Variants in RRM2 observed in about 807,000 individuals in gnomAD.
RRM2 encodes the protein ribonucleoside-diphosphate reductase subunit M2.
RRM2 carries 6 observed loss-of-function variants against 45.9 expected under a neutral mutation model. The ratio of observed to expected loss-of-function variants is 0.13; its 90% CI spans 0.07 to 0.26. The LOEUF (loss-of-function observed/expected upper bound fraction) is 0.26. Among genes scored for constraint, RRM2 ranks in the 10% least tolerant of loss-of-function variants. The pLI is 1.00. For synonymous variants in RRM2, 177 were observed against 173.0 expected, an observed-to-expected ratio of 1.02 and a Z score of -0.18; for missense variants, 343 against 489.5, an observed-to-expected ratio of 0.70 and a Z score of 2.82.
chr2:10,124,845 A>C lies in RRM2; in HGVS notation c.564A>C (p.Lys188Asn). The C allele has an allele frequency of 6.3e-7, 1 of 1,597,154 alleles. No homozygotes were observed. Among genetic ancestry groups the C allele is most frequent in the Non-Finnish European group, 8.6e-7 (1 of 1,167,622 alleles). ...TTGACACTTACATAAAAGATCCCAA[A>C]GAAAGGTGAGTATTCAAGTGGTATG... Reference protein sequence around the residue: ...LLIDTYIKDPKEREFLFNAIE... With the variant: ...LLIDTYIKDPNEREFLFNAIE... The change falls in exon 5 of 10, where the codon AAA becomes AAC. Residue 188 changes from lysine to asparagine, a missense_variant. Lys to Asn is a moderately conservative substitution (Grantham distance 94). Coordinates refer to ENST00000304567, the MANE Select transcript of RRM2 (RefSeq NM_001034.4).
intron 3 of RRM2, among the ~76,000 whole-genome samples, chr2:10,198,405 A>AC (rs1414928049): frequency 1.5e-5 from 2 of 136,060 alleles, no homozygotes; most frequent in African/African-American, 5.4e-5. Flanking sequence ...TCTTTGGCCC[A>AC]TTTTTTTTTT....
At chr2:10,143,897 A>G (rs1055341205) in intron 3 of RRM2, among the ~76,000 whole-genome samples, 1 of 152,052 alleles carries the variant, frequency 6.6e-6, no homozygotes. Flanking sequence ...CGATCCCTTG[A>G]TCTTGTGATC....
chr2:10,154,256 T>G (rs995363912), intron 3 of RRM2, among the ~76,000 whole-genome samples: 2 of 152,048 alleles, frequency 1.3e-5, no homozygotes, highest in African/African-American at 4.8e-5. Flanking sequence ...GGCAGATCGC[T>G]TGAGGTCAGG....
exon 1 of RRM2, chr2:10,141,546 A>G (rs566776769): frequency 1.3e-5 from 5 of 394,746 alleles, no homozygotes; most frequent in African/African-American, 1.0e-4. Flanking sequence ...GACAGTGGCT[A>G]TTAACTGTGG....
chr2:10,157,222 G>A (rs1558391149), intron 3 of RRM2, among the ~76,000 whole-genome samples: 2 of 152,002 alleles, frequency 1.3e-5, no homozygotes, highest in Non-Finnish European at 2.9e-5. Flanking sequence ...TAGAGACGGG[G>A]TTTCACCATG....
intron 3 of RRM2, among the ~76,000 whole-genome samples, chr2:10,174,622 C>A (rs1663875225): frequency 6.6e-6 from 1 of 150,994 alleles, no homozygotes; most frequent in Non-Finnish European, 1.5e-5. Context: ...CCTATAATCC[C>A]AGCACTTTGG....
At position 10,129,281 on chromosome 2, in the gene RRM2, G is replaced by A. The variant is rs1397047713; in HGVS notation, c.1065G>A (p.Leu355=). 1 of 1,614,100 alleles carries A rather than the reference G, an allele frequency of 6.2e-7. No individual in the cohort carries two copies. The highest frequency in any genetic ancestry group is 8.5e-7 in the Non-Finnish European group (1 of 1,179,980). ...TTGACTTTATGGAGAATATTTCACT[G>A]GAAGGAAAGACTAACTTCTTTGAGA... ...NPFDFMENIS[L]EGKTNFFEKR... Residue 355 remains leucine (L), a synonymous_variant, in exon 10 of 10, where the codon CTG becomes CTA. Transcript: ENST00000304567. The surrounding 1 kb of genome is among the most constrained non-coding windows in gnomAD (Gnocchi z 4.8).
At chr2:10,178,920 G>A (rs891012972) in intron 3 of RRM2, among the ~76,000 whole-genome samples, 2 of 152,154 alleles carry the variant, frequency 1.3e-5, no homozygotes, top group Non-Finnish European at 2.9e-5. Context: ...TGCCGTCTAT[G>A]AATCAGAGAG....
upstream of RRM2, among the ~76,000 whole-genome samples, chr2:10,137,220 GT>G (rs144207545): frequency 0.017 from 2,608 of 152,318 alleles, 42 homozygotes; most frequent in Non-Finnish European, 0.028. Context: ...CAGAGGACTG[GT>G]CTGCACAAAG....
chr2:10,210,653 A>C (rs1664745620), exon 4 of RRM2: 1 of 1,330,446 alleles, frequency 7.5e-7, no homozygotes, highest in African/African-American at 1.5e-5. Flanking sequence ...GGAGTGGGGG[A>C]AATGGAACCC....
Position 10,129,404 on chromosome 2 carries a change from C to T in RRM2, c.*18C>T. The T allele has an allele frequency of 6.3e-7, 1 of 1,578,104 alleles. No individual in the cohort carries two copies. The highest frequency in any genetic ancestry group is 1.2e-5 in the South Asian group (1 of 84,852). ...ACTTCTAAATGAACTGAAGATGTGC[C>T]CTTACTTGGCTGATTTTTTTTTTCC... On this transcript the variant is annotated 3_prime_UTR_variant, in exon 10 of 10. Coordinates refer to ENST00000304567, the MANE Select transcript of RRM2 (RefSeq NM_001034.4). The surrounding 1 kb of genome is among the most constrained non-coding windows in gnomAD (Gnocchi z 4.8).
intron 3 of RRM2, among the ~76,000 whole-genome samples, chr2:10,190,343 GTGAGGA>G (rs1664267162): frequency 7.1e-6 from 1 of 141,030 alleles, no homozygotes; most frequent in African/African-American, 2.7e-5. Context: ...GATGATGGTG[GTGAGGA>G]TGGTGTTGGT....
intron 3 of RRM2, among the ~76,000 whole-genome samples, chr2:10,159,907 G>A (rs927420267): frequency 2.6e-5 from 4 of 152,252 alleles, no homozygotes; most frequent in African/African-American, 4.8e-5. Flanking sequence ...GGTGGGAAGC[G>A]CCCAGGAGGC....
chr2:10,134,677 A>C (rs998011707), downstream of RRM2, among the ~76,000 whole-genome samples: 1 of 152,258 alleles, frequency 6.6e-6, no homozygotes, highest in African/African-American at 2.4e-5. Context: ...TTTCGGAATC[A>C]GGTAGAATGG....
intron 3 of RRM2, among the ~76,000 whole-genome samples, chr2:10,191,092 CG>C (rs1664294756): frequency 6.6e-6 from 1 of 152,176 alleles, no homozygotes; most frequent in South Asian, 2.1e-4. Flanking sequence ...CCCCACAGGA[CG>C]CTGGCATTGC....
At chr2:10,122,611 C>A (rs1272095705), upstream of RRM2, 3 of 1,514,884 alleles carry the variant, frequency 2.0e-6, no homozygotes, top group Admixed American at 4.1e-5. Flanking sequence ...AGGGGCAAGG[C>A]GCAGCCAATG....
rs973247082 is a variant in RRM2, at chr2:10,131,169, C to G, written c.*1783C>G. ...TAAGTTATTGTTACCTAAAGTTAATCCAGATTATATGGTCCTTATATGTGT... is the reference window on the plus strand; with the variant it reads ...TAAGTTATTGTTACCTAAAGTTAATGCAGATTATATGGTCCTTATATGTGT... On this transcript the variant is annotated 3_prime_UTR_variant, in exon 10 of 10. Coordinates refer to ENST00000304567, the MANE Select transcript of RRM2 (RefSeq NM_001034.4). The G allele has an allele frequency of 6.6e-6, 1 of 152,056 alleles. No individual in the cohort carries two copies. Among genetic ancestry groups the G allele is most frequent in the Non-Finnish European group, 1.5e-5 (1 of 68,022 alleles). The allele number at this position is 152,056 out of a possible 1,614,324, so 9.4% of individuals were successfully genotyped here. A position where few individuals can be genotyped will look rare whatever the true frequency, so the allele number is the denominator to read the frequency against.
chr2:10,162,280 TC>T (rs1380816447), intron 3 of RRM2, among the ~76,000 whole-genome samples: 2 of 152,142 alleles, frequency 1.3e-5, no homozygotes, highest in Non-Finnish European at 2.9e-5. Context: ...GTCGTTCATG[TC>T]GATTCTCTCA....
At chr2:10,123,613 A>T (rs1662717376) in intron 3 of RRM2, 83 bp downstream of exon 3, 4 of 1,538,038 alleles carry the variant, frequency 2.6e-6, no homozygotes, top group East Asian at 2.3e-5. Context: ...CCCGTTGGCA[A>T]GGGGGGCTAA....
Sources: allele counts gnomAD v4.1 joint callset (sites outside exome capture counted in the v4.1 genomes callset), GRCh38; gene constraint gnomAD v4.1.1; non-coding constraint Gnocchi (gnomAD v3.1); transcripts MANE v1.5; gene names NCBI Gene and HGNC (gene_info 2026-07-23, HGNC 2026-07-21).